PTGR1: variants seen among roughly 807,000 people sequenced by gnomAD.
The protein encoded by PTGR1 is prostaglandin reductase 1, also known as 15-oxoprostaglandin 13-reductase.
PTGR1 carries 23 observed loss-of-function variants against 37.7 expected under a neutral mutation model. The observed-to-expected ratio is 0.61, with a 90% CI of 0.44 to 0.86. The LOEUF (loss-of-function observed/expected upper bound fraction) is 0.86, where lower values mean the gene tolerates loss of function less well. Ranked by LOEUF, PTGR1 falls within the 40% of genes least tolerant of loss-of-function variation. PTGR1 has a pLI of 0.00. For missense variants in PTGR1, 351 were observed against 394.3 expected, an observed-to-expected ratio of 0.89 and a Z score of 0.93; for synonymous variants, 134 against 140.0, an observed-to-expected ratio of 0.96 and a Z score of 0.30.
chr9:111,572,578 A>C (rs1401252649), intron 8 of PTGR1, among the ~76,000 whole-genome samples: 3 of 151,950 alleles, frequency 2.0e-5, no homozygotes, highest in African/African-American at 7.2e-5. Flanking sequence ...CGACAGAGTG[A>C]GACTCTGTCT....
intron 9 of PTGR1, among the ~76,000 whole-genome samples, chr9:111,555,311 G>A (rs1564605230): frequency 1.3e-5 from 2 of 152,080 alleles, no homozygotes; most frequent in Non-Finnish European, 2.9e-5. Context: ...AGCTCAAACT[G>A]TTCTGTGCAC....
chr9:111,576,319 G>T (rs757405434), intron 7 of PTGR1: 5 of 1,603,842 alleles, frequency 3.1e-6, no homozygotes, highest in Non-Finnish European at 4.3e-6. Context: ...AATTTTATTT[G>T]TAACCTCAAA....
chr9:111,580,702 C>A (rs926267643), intron 6 of PTGR1, among the ~76,000 whole-genome samples: 1 of 149,484 alleles, frequency 6.7e-6, no homozygotes, highest in African/African-American at 2.5e-5. Flanking sequence ...TTGCGGTGAG[C>A]TGAGATCGCA....
chr9:111,576,622 T>G (rs1829067478), intron 7 of PTGR1: 1 of 537,442 alleles, frequency 1.9e-6, no homozygotes, highest in Non-Finnish European at 3.3e-6. Flanking sequence ...TAAAAGCTAC[T>G]AGGATGAGTT....
chr9:111,558,085 T>C (rs999185610), downstream of PTGR1, among the ~76,000 whole-genome samples: 4 of 152,130 alleles, frequency 2.6e-5, no homozygotes, highest in African/African-American at 9.7e-5. Flanking sequence ...AGGCGGAGTT[T>C]GCACTAAGCC....
Position 111,562,844 on chromosome 9 carries a change from C to G in PTGR1, c.*277G>C. ...GCTCCCACTTATGAATGAAAACATA[C>G]AGTGTTTGGAAAATTTTCACACTTC... On this transcript the variant is annotated 3_prime_UTR_variant, in exon 10 of 10. Coordinates refer to ENST00000407693, the MANE Select transcript of PTGR1 (RefSeq NM_001146108.2). 1 of 794,458 alleles carries G rather than the reference C, an allele frequency of 1.3e-6. No homozygotes were observed. Among genetic ancestry groups the G allele is most frequent in the Non-Finnish European group, 1.7e-6 (1 of 593,748 alleles). The allele number at this position is 794,458 out of a possible 1,614,324, so 49.2% of individuals were successfully genotyped here. A position where few individuals can be genotyped will look rare whatever the true frequency, so the allele number is the denominator to read the frequency against.
chr9:111,566,962 G>A (rs112506305), intron 9 of PTGR1, among the ~76,000 whole-genome samples: 2,532 of 152,102 alleles, frequency 0.017, 77 homozygotes, highest in African/African-American at 0.057. Context: ...GGTGGCACAT[G>A]ACTGTTGTCC....
intron 3 of PTGR1, among the ~76,000 whole-genome samples, 195 bp from the exon 4 acceptor site, chr9:111,593,177 G>C (rs1367031425): frequency 2.6e-5 from 4 of 152,092 alleles, no homozygotes; most frequent in Non-Finnish European, 4.4e-5. Flanking sequence ...AAAGCTGTTA[G>C]AGGAAGTTCT....
intron 9 of PTGR1, among the ~76,000 whole-genome samples, chr9:111,553,238 C>T (rs1828023918): frequency 6.6e-6 from 1 of 152,198 alleles, no homozygotes; most frequent in Non-Finnish European, 1.5e-5. Flanking sequence ...CAGTAAATTG[C>T]AATTGCCATT....
intron 4 of PTGR1, among the ~76,000 whole-genome samples, chr9:111,587,279 A>T (rs537574000): frequency 6.6e-6 from 1 of 151,940 alleles, no homozygotes; most frequent in Non-Finnish European, 1.5e-5. Flanking sequence ...CTTCTTTACC[A>T]TCTTTCCTTC....
rs147335546 is a variant in PTGR1 at position 111,599,574 on chromosome 9, G to A, written c.-11+29C>T. 450 of 152,736 alleles carry A rather than the reference G, an allele frequency of 2.9e-3. 4 individuals carry two copies. Among genetic ancestry groups the A allele is most frequent in the Non-Finnish European group, 5.3e-3 (364 of 68,338 alleles). 9.5% of individuals were successfully genotyped at this position (152,736 alleles called of 1,614,324 possible). On this transcript the variant is annotated intron_variant, in intron 1 of 9. Transcript: ENST00000407693. ...AGGGGGTTAGAGGAGGGAGAAAAGG[G>A]AAGGAAAGAAAGCAGGAGGTCTACT...
At chr9:111,553,139 C>T (rs567941791) in intron 9 of PTGR1, among the ~76,000 whole-genome samples, 1 of 152,304 alleles carries the variant, frequency 6.6e-6, no homozygotes, top group Admixed American at 6.5e-5. Flanking sequence ...CTAAAAATTA[C>T]ATGTCTTAAA....
chr9:111,563,852 C>A (rs530247512), intron 9 of PTGR1: 1 of 152,488 alleles, frequency 6.6e-6, no homozygotes, highest in Admixed American at 6.5e-5. Flanking sequence ...TTTAATAACA[C>A]AATGATCTCA....
At position 111,570,099 on chromosome 9, in the gene PTGR1, C is replaced by T. The variant is rs147930843; in HGVS notation, c.871G>A (p.Val291Ile). 5.6e-6 allele frequency: 9 copies of T among 1,613,992 alleles called. No individual in the cohort carries two copies. The African/African-American group carries it at 9.3e-5, about 17-fold the overall frequency. The change falls in exon 9 of 10, where the codon GTC becomes ATC. Residue 291 changes from valine (V) to isoleucine (I), a missense_variant. Transcript: ENST00000407693. ...GCTCCGGAGCTCCTTACCTCTAAGACCCATTTCAGCAAGTCCTTCAGAGCT... is the reference window on the plus strand; with the variant it reads ...GCTCCGGAGCTCCTTACCTCTAAGATCCATTTCAGCAAGTCCTTCAGAGCT... Reference protein sequence around the residue: ...QKALKDLLKWVLEGKIQYKEY... With the variant: ...QKALKDLLKWILEGKIQYKEY...
In PTGR1 at chr9:111,583,476, A is replaced by C. The variant is rs1347600720; in HGVS notation, c.491T>G (p.Leu164Arg). Residue 164 changes from leucine (L) to arginine (R), a missense_variant, in exon 6 of 10, where the codon CTC becomes CGC. Physicochemically the swap from Leu to Arg is moderately radical, Grantham distance 102. Coordinates refer to ENST00000407693, the MANE Select transcript of PTGR1 (RefSeq NM_001146108.2). ...VGSVVGQIAK[L>R]KGCKVVGAVG... ...TTACTGGAGAAAGGCACTTACCTTG[A>C]GCTTTGCAATCTGCCCCACGACTGA... The C allele has an allele frequency of 1.9e-6, 3 of 1,604,396 alleles. No homozygotes were observed. The Admixed American group carries it at 5.0e-5, about 27-fold the overall frequency.
intron 2 of PTGR1, 75 bp from the exon 3 acceptor site, chr9:111,594,342 G>T: frequency 2.3e-6 from 3 of 1,315,306 alleles, no homozygotes; most frequent in South Asian, 1.2e-5. Context: ...AGCACCACTA[G>T]ACAGGAGGGG....
At chr9:111,572,197 A>G (rs1427118965) in intron 8 of PTGR1, among the ~76,000 whole-genome samples, 1 of 152,240 alleles carries the variant, frequency 6.6e-6, no homozygotes, top group Non-Finnish European at 1.5e-5. Flanking sequence ...TCCTGAACCA[A>G]AAGAAACTAA....
At chr9:111,561,137 AGGAGAGAGAGG>A (rs1262500928), downstream of PTGR1, among the ~76,000 whole-genome samples, 253 of 35,898 alleles carry the variant, frequency 7.0e-3, 3 homozygotes, top group African/African-American at 9.5e-3. Context: ...AGAGAGAGAG[AGGAGAGAGAGG>A]GAGAGAGAGA....
chr9:111,553,832 G>T (rs1237788719), intron 9 of PTGR1, among the ~76,000 whole-genome samples: 1 of 152,152 alleles, frequency 6.6e-6, no homozygotes, highest in African/African-American at 2.4e-5. Flanking sequence ...GTTGCTCTAC[G>T]CAATCCTAGC....
Sources: allele counts gnomAD v4.1 joint callset (sites outside exome capture counted in the v4.1 genomes callset), GRCh38; gene constraint gnomAD v4.1.1; transcripts MANE v1.5; gene names NCBI Gene and HGNC (gene_info 2026-07-23, HGNC 2026-07-21).